ZNF407: variants seen among roughly 807,000 people sequenced by gnomAD.
ZNF407 encodes zinc finger protein 407.
Under a neutral mutation model 131.2 loss-of-function variants are expected in ZNF407, and 17 were observed. That is an observed-to-expected ratio of 0.13 (90% CI 0.09 to 0.19). The LOEUF is 0.19. ZNF407 is among the 10% of genes least tolerant of loss of function. The pLI is 1.00. For synonymous variants in ZNF407, 1,156 were observed against 1,062.0 expected (o/e 1.09, Z -1.72); for missense variants, 2,681 against 2,830.6 (o/e 0.95, Z 1.20).
chr18:74,844,412 C>T (rs1383487920), intron 4 of ZNF407, among the ~76,000 whole-genome samples: 2 of 152,162 alleles, frequency 1.3e-5, no homozygotes, highest in African/African-American at 4.8e-5. Context: ...ATTTTGTTCT[C>T]CTTTGCGTGC....
chr18:74,910,331 A>G (rs924258718), intron 7 of ZNF407, among the ~76,000 whole-genome samples: 7 of 152,302 alleles, frequency 4.6e-5, no homozygotes, highest in Non-Finnish European at 8.8e-5. Context: ...ATTCAAATCA[A>G]CAAAACATAT....
At chr18:74,744,058 G>A (rs546778883) in intron 3 of ZNF407, among the ~76,000 whole-genome samples, 2 of 152,246 alleles carry the variant, frequency 1.3e-5, no homozygotes, top group South Asian at 2.1e-4. Flanking sequence ...TGGCTCTCAA[G>A]TTATTTCTTA....
At chr18:75,019,379 G>A (rs1362167390) in intron 8 of ZNF407, among the ~76,000 whole-genome samples, 1 of 152,178 alleles carries the variant, frequency 6.6e-6, no homozygotes, top group Non-Finnish European at 1.5e-5. Context: ...TTGAAAGTGT[G>A]CGCAGTGGTC....
chr18:74,611,666 GAGTATCT>G (rs1983064700), intron 1 of ZNF407, among the ~76,000 whole-genome samples: 1 of 152,178 alleles, frequency 6.6e-6, no homozygotes, highest in Non-Finnish European at 1.5e-5. Flanking sequence ...CTGCCTTTGG[GAGTATCT>G]AGTAAAGTTG....
chr18:74,933,545 G>C (rs1003127475), intron 8 of ZNF407, among the ~76,000 whole-genome samples: 5 of 152,110 alleles, frequency 3.3e-5, no homozygotes, highest in African/African-American at 1.2e-4. Flanking sequence ...GATTAGGATG[G>C]TAACTTTTAT....
At chr18:74,790,344 A>C (rs996053333) in intron 4 of ZNF407, among the ~76,000 whole-genome samples, 13 of 152,202 alleles carry the variant, frequency 8.5e-5, no homozygotes, top group African/African-American at 3.1e-4. Context: ...CTTTTGTAGT[A>C]TGAAGCTTCC....
chr18:74,712,379 A>C (rs72969685), intron 3 of ZNF407, among the ~76,000 whole-genome samples: 9,707 of 152,308 alleles, frequency 0.064, 387 homozygotes, highest in East Asian at 0.11. Flanking sequence ...ATTTGAGCCC[A>C]GGTTACTATT....
chr18:74,707,799 C>T (rs1345579203), intron 3 of ZNF407, among the ~76,000 whole-genome samples: 2 of 152,152 alleles, frequency 1.3e-5, no homozygotes, highest in African/African-American at 4.8e-5. Context: ...GTTGTTTCTT[C>T]TTTACCCATC....
chr18:74,767,549 A>G (rs1459692100), intron 3 of ZNF407, among the ~76,000 whole-genome samples: 4 of 151,936 alleles, frequency 2.6e-5, no homozygotes, highest in African/African-American at 9.7e-5. Flanking sequence ...ATATATGTAA[A>G]CCTCAATACA....
At chr18:74,599,186 T>G (rs1304397964) in intron 1 of ZNF407, among the ~76,000 whole-genome samples, 1 of 152,174 alleles carries the variant, frequency 6.6e-6, no homozygotes, top group Non-Finnish European at 1.5e-5. Context: ...ATTCCCTTTT[T>G]ACAAACTGAG....
At chr18:75,012,353 A>ACAG (rs1972987234) in intron 8 of ZNF407, among the ~76,000 whole-genome samples, 1 of 97,660 alleles carries the variant, frequency 1.0e-5, no homozygotes, top group East Asian at 3.0e-4. Context: ...GTATGTACAC[A>ACAG]TAGTGTATGT....
intron 7 of ZNF407, among the ~76,000 whole-genome samples, chr18:74,918,519 G>A (rs530060007): frequency 9.2e-5 from 14 of 152,250 alleles, no homozygotes; most frequent in Admixed American, 1.3e-4. Context: ...TCACAATAGG[G>A]AATTTATATA....
At chr18:74,741,381 T>G (rs1410718824) in intron 3 of ZNF407, among the ~76,000 whole-genome samples, 2 of 152,170 alleles carry the variant, frequency 1.3e-5, no homozygotes, top group Non-Finnish European at 2.9e-5. Context: ...TATACATAAG[T>G]AAATACATGC....
At chr18:74,969,937 C>T (rs1042152543) in intron 8 of ZNF407, among the ~76,000 whole-genome samples, 6 of 152,140 alleles carry the variant, frequency 3.9e-5, no homozygotes, top group East Asian at 3.8e-4. Flanking sequence ...TAAAGGCATA[C>T]CCGAGACTGG....
chr18:74,847,071 T>C (rs1437607849), intron 4 of ZNF407, among the ~76,000 whole-genome samples: 3 of 152,240 alleles, frequency 2.0e-5, no homozygotes, highest in Non-Finnish European at 4.4e-5. Flanking sequence ...CTTAGGATGT[T>C]CTACTGAGAG....
chr18:74,818,698 A>G (rs1002475222), intron 4 of ZNF407, among the ~76,000 whole-genome samples: 2 of 152,244 alleles, frequency 1.3e-5, no homozygotes, highest in Non-Finnish European at 2.9e-5. Context: ...GCACAGAGAA[A>G]TATCACACAT....
intron 3 of ZNF407, among the ~76,000 whole-genome samples, chr18:74,681,943 G>T (rs1282180515): frequency 6.6e-6 from 1 of 152,140 alleles, no homozygotes; most frequent in African/African-American, 2.4e-5. Context: ...CAAGGATATA[G>T]AATGGCCTTT....
chr18:74,686,217 G>A (rs771039983), intron 3 of ZNF407, among the ~76,000 whole-genome samples: 3 of 151,992 alleles, frequency 2.0e-5, no homozygotes, highest in Non-Finnish European at 4.4e-5. Flanking sequence ...TTTCTTTCTG[G>A]GCAATATAGG....
At chr18:74,664,802 CTG>C (rs1985867933) in intron 3 of ZNF407, among the ~76,000 whole-genome samples, 1 of 151,990 alleles carries the variant, frequency 6.6e-6, no homozygotes, top group Non-Finnish European at 1.5e-5. Context: ...CGCTGCGTAT[CTG>C]TGTGTTGCTG....
Sources: allele counts gnomAD v4.1 joint callset (sites outside exome capture counted in the v4.1 genomes callset), GRCh38; gene constraint gnomAD v4.1.1; transcripts MANE v1.5; gene names NCBI Gene and HGNC (gene_info 2026-07-23, HGNC 2026-07-21).